Variants in SEC24B observed in about 807,000 individuals in gnomAD.
SEC24B encodes protein transport protein Sec24B.
In SEC24B, 45 loss-of-function variants were observed where a neutral mutation model predicts 142.8. The observed-to-expected ratio is 0.32, with a 90% CI of 0.25 to 0.40. The LOEUF (loss-of-function observed/expected upper bound fraction) is 0.40, where lower values mean the gene tolerates loss of function less well. Among genes scored for constraint, SEC24B ranks in the 10% least tolerant of loss-of-function variants. The probability of loss-of-function intolerance (pLI) is 1.00; values close to 1 mark genes in which losing one functional copy is unlikely to be tolerated. For missense variants in SEC24B, 1,409 were observed against 1,526.8 expected, an observed-to-expected ratio of 0.92 and a Z score of 1.29; for synonymous variants, 574 against 568.2, an observed-to-expected ratio of 1.01 and a Z score of -0.15.
chr4:109,511,205 A>G (rs1430323514), intron 8 of SEC24B, among the ~76,000 whole-genome samples: 1 of 151,898 alleles, frequency 6.6e-6, no homozygotes, highest in African/African-American at 2.4e-5. Context: ...TGTATACTAA[A>G]TTGTTTACAG....
intron 19 of SEC24B, among the ~76,000 whole-genome samples, chr4:109,530,895 CAAAAA>C (rs35997146): frequency 4.1e-3 from 190 of 46,348 alleles, no homozygotes; most frequent in South Asian, 0.027. Context: ...GACTCCGTCT[CAAAAA>C]AAAAAAAAAA....
intron 1 of SEC24B, among the ~76,000 whole-genome samples, chr4:109,462,553 G>A (rs1731374418): frequency 6.6e-6 from 1 of 152,156 alleles, no homozygotes; most frequent in African/African-American, 2.4e-5. Context: ...TCACGGCTTG[G>A]CAGGTTAGCT....
rs371132387 is a variant in SEC24B, at chr4:109,512,020, C to T, written c.1840C>T (p.Pro614Ser). Residue 614 changes from proline (P) to serine (S), a missense_variant, in exon 9 of 24, where the codon CCC becomes TCC. Around this residue, in one of 2 missense-constraint regions of SEC24B, gnomAD observed 700 missense variants for 853.3 expected, o/e 0.82. Transcript: ENST00000265175. ...RCRSCRTYIN[P>S]FVSFIDQRRW... ...CCGATCCTGTCGAACGTATATTAAC[C>T]CCTTTGTATCCTTCATTGATCAACG... The T allele has an allele frequency of 1.2e-6, 2 of 1,612,614 alleles. No individual in the cohort carries two copies. Among genetic ancestry groups the T allele is most frequent in the African/African-American group, 1.3e-5 (1 of 74,890 alleles).
intron 4 of SEC24B, 61 bp from the exon 5 acceptor site, chr4:109,491,266 A>G: frequency 8.2e-6 from 11 of 1,345,710 alleles, no homozygotes; most frequent in Non-Finnish European, 1.1e-5. Context: ...AAAATTGCCA[A>G]AGGCTGCTTT....
At chr4:109,467,663 T>A (rs1732095544) in intron 2 of SEC24B, among the ~76,000 whole-genome samples, 1 of 152,204 alleles carries the variant, frequency 6.6e-6, no homozygotes. Flanking sequence ...GTCTTTAGTA[T>A]CCCTTTGTTT....
rs114285490 is a variant in SEC24B, at chr4:109,492,599, A to G, written c.1246+1192A>G. Among the ~76,000 whole-genome samples, 1,011 of 152,322 alleles carry G rather than the reference A, an allele frequency of 6.6e-3. 13 individuals carry two copies. Among genetic ancestry groups the G allele is most frequent in the African/African-American group, 0.023 (960 of 41,566 alleles). On this transcript the variant is annotated intron_variant, in intron 5 of 23. Transcript: ENST00000265175. ...GTAACCTTGGACAAGTTTTCTTTCT[A>G]TTTATACTACACCAAAATTAAAGAA...
chr4:109,493,502 G>T (rs1014247747), intron 5 of SEC24B, among the ~76,000 whole-genome samples: 1 of 151,944 alleles, frequency 6.6e-6, no homozygotes, highest in Non-Finnish European at 1.5e-5. Flanking sequence ...TAAGTTTTCT[G>T]CAGTTTTTTT....
chr4:109,520,374 G>T lies in SEC24B; in HGVS notation c.2135G>T (p.Gly712Val), dbSNP rs1315549235. The change falls in exon 12 of 24, where the codon GGA (glycine) becomes GTA (valine). Residue 712 changes from glycine (G) to valine (V), a missense_variant. This residue lies in a region of SEC24B where 700 missense variants were observed against 853.3 expected (regional missense o/e 0.82). Transcript: ENST00000265175. ...SLLENLDKLP[G>V]DSRTRIGFMT... ...GTCATTTTTATCTTTAGGCTTCCTG[G>T]AGATTCACGAACAAGAATAGGATTC... 2 of 1,594,794 alleles carry T rather than the reference G, an allele frequency of 1.3e-6. No homozygotes were observed. Among genetic ancestry groups the T allele is most frequent in the African/African-American group, 2.7e-5 (2 of 74,220 alleles).
chr4:109,531,045 T>A (rs1470846249), intron 19 of SEC24B, among the ~76,000 whole-genome samples: 2 of 152,176 alleles, frequency 1.3e-5, no homozygotes, highest in Non-Finnish European at 2.9e-5. Flanking sequence ...TCTTAATATG[T>A]CCTCTGGAAA....
chr4:109,482,979 TACAC>T (rs1554001099), intron 4 of SEC24B, among the ~76,000 whole-genome samples: 17 of 26,414 alleles, frequency 6.4e-4, no homozygotes, highest in Non-Finnish European at 1.1e-3. Context: ...TATATATATA[TACAC>T]ACACACACAC....
intron 5 of SEC24B, among the ~76,000 whole-genome samples, chr4:109,493,505 G>GT (rs1225955312): frequency 2.6e-5 from 4 of 152,066 alleles, no homozygotes; most frequent in Middle Eastern, 3.4e-3. Context: ...GTTTTCTGCA[G>GT]TTTTTTTGTT....
intron 1 of SEC24B, among the ~76,000 whole-genome samples, chr4:109,444,332 A>G (rs1161321396): frequency 6.6e-6 from 1 of 152,180 alleles, no homozygotes; most frequent in African/African-American, 2.4e-5. Flanking sequence ...GCCATTAAAG[A>G]TTGTGTGGTA....
intron 2 of SEC24B, among the ~76,000 whole-genome samples, chr4:109,468,082 G>A (rs1005835884): frequency 1.3e-5 from 2 of 152,124 alleles, no homozygotes; most frequent in African/African-American, 2.4e-5. Flanking sequence ...TACCTTGTAG[G>A]ACATGATTAT....
chr4:109,447,560 T>C (rs1561064157), intron 1 of SEC24B, among the ~76,000 whole-genome samples: 1 of 152,216 alleles, frequency 6.6e-6, no homozygotes, highest in Non-Finnish European at 1.5e-5. Context: ...TCTATTTGAC[T>C]TCACCATATC....
chr4:109,510,789 A>C (rs1355852106), intron 8 of SEC24B, among the ~76,000 whole-genome samples: 2 of 152,106 alleles, frequency 1.3e-5, no homozygotes, highest in African/African-American at 4.8e-5. Context: ...CATAAGTTGC[A>C]TTTCTGTCTC....
intron 11 of SEC24B, 69 bp from the exon 12 acceptor site, chr4:109,520,297 T>C (rs1488335120): frequency 1.1e-6 from 1 of 944,224 alleles, no homozygotes; most frequent in South Asian, 1.4e-5. Context: ...AAATTACTAT[T>C]TCATTATTTT....
intron 2 of SEC24B, among the ~76,000 whole-genome samples, chr4:109,466,377 T>A (rs1731862185): frequency 6.6e-6 from 1 of 152,198 alleles, no homozygotes; most frequent in Non-Finnish European, 1.5e-5. Flanking sequence ...CACATTAAAA[T>A]GAAAATCTTA....
intron 22 of SEC24B, among the ~76,000 whole-genome samples, chr4:109,534,667 A>G (rs1200768589): frequency 2.0e-5 from 3 of 152,214 alleles, no homozygotes; most frequent in Non-Finnish European, 4.4e-5. Flanking sequence ...GAAAGCGCAA[A>G]TATAAAACAT....
intron 3 of SEC24B, among the ~76,000 whole-genome samples, chr4:109,474,228 T>C (rs1393319829): frequency 6.6e-6 from 1 of 152,312 alleles, no homozygotes; most frequent in East Asian, 1.9e-4. Context: ...TTAAAAGTAT[T>C]TGCCTTCAAA....
Sources: gnomAD v4.1 joint callset for allele counts (sites outside exome capture counted in the v4.1 genomes callset) on GRCh38, gnomAD v4.1.1 for gene constraint, gnomAD v4.1.1 regional missense constraint, MANE v1.5 for transcripts, NCBI Gene and HGNC (gene_info 2026-07-23, HGNC 2026-07-21) for gene names.